The following PDE5A variants were observed in gnomAD, a reference collection of about 807,000 sequenced individuals.
PDE5A encodes the protein cGMP-specific 3',5'-cyclic phosphodiesterase.
A neutral mutation model predicts 110.2 loss-of-function variants in PDE5A; 67 were observed. The observed-to-expected ratio is 0.61, with a 90% confidence interval of 0.50 to 0.75. The LOEUF (loss-of-function observed/expected upper bound fraction) is 0.75, where lower values mean the gene tolerates loss of function less well. Among genes scored for constraint, PDE5A ranks in the 30% least tolerant of loss-of-function variants. PDE5A has a pLI of 0.00. For missense variants in PDE5A, 862 were observed against 1,045.1 expected, an observed-to-expected ratio of 0.82 and a Z score of 2.42; for synonymous variants, 328 against 351.2, an observed-to-expected ratio of 0.93 and a Z score of 0.74.
At chr4:119,604,270 T>A (rs1373623662) in intron 2 of PDE5A, among the ~76,000 whole-genome samples, 2 of 152,196 alleles carry the variant, frequency 1.3e-5, no homozygotes, top group Non-Finnish European at 2.9e-5. Flanking sequence ...GAAAATACAT[T>A]GTCAAAACTT....
At chr4:119,506,837 T>G (rs925136633) in intron 16 of PDE5A, among the ~76,000 whole-genome samples, 1 of 151,862 alleles carries the variant, frequency 6.6e-6, no homozygotes, top group Admixed American at 6.6e-5. Context: ...ATCTGGCAGA[T>G]GTTTTTGTGT....
chr4:119,506,554 C>A (rs528824587), intron 16 of PDE5A, among the ~76,000 whole-genome samples: 1 of 151,518 alleles, frequency 6.6e-6, no homozygotes, highest in African/African-American at 2.4e-5. Context: ...GAAAAACTTA[C>A]GTAATAAAAC....
chr4:119,501,383 T>TCACTGCAACCTC (rs1725326692), intron 19 of PDE5A, 130 bp from the exon 20 acceptor site: 1 of 617,800 alleles, frequency 1.6e-6, no homozygotes, highest in Non-Finnish European at 2.9e-6. Context: ...CCATCTCAGC[T>TCACTGCAACCTC]CACTGCAACC....
chr4:119,565,408 G>T lies in PDE5A; in HGVS notation c.906C>A (p.Asp302Glu), dbSNP rs1396104929. The change falls in exon 5 of 21, where the codon GAC (aspartate) becomes GAA (glutamate). Residue 302 changes from aspartate (D) to glutamate (E), a missense_variant and splice_region_variant. Transcript: ENST00000354960. ...GGTFTEKDEKDFAAYLAFCGI... is the reference protein window; with the variant it reads ...GGTFTEKDEKEFAAYLAFCGI... ...CACAAAATGCCAAATAAGCAGCAAA[G>T]TCCTAAAAAACAGATAATAGACAAA... is the stretch of plus-strand genomic sequence containing the variant. 1 of 1,608,178 alleles carries T rather than the reference G, an allele frequency of 6.2e-7. No homozygotes were observed. The highest frequency in any genetic ancestry group is 8.5e-7 in the Non-Finnish European group (1 of 1,175,480).
chr4:119,601,200 A>T (rs193016829), intron 2 of PDE5A, among the ~76,000 whole-genome samples: 162 of 152,194 alleles, frequency 1.1e-3, no homozygotes, highest in Middle Eastern at 6.8e-3. Context: ...GAACCAGAAA[A>T]CCCAACCTTG....
chr4:119,582,380 T>G (rs1230211164), intron 3 of PDE5A, among the ~76,000 whole-genome samples: 1 of 152,208 alleles, frequency 6.6e-6, no homozygotes, highest in African/African-American at 2.4e-5. Context: ...TATTTCTAAT[T>G]CTAATTCTCT....
At chr4:119,622,033 G>C (rs1029037800) in intron 1 of PDE5A, among the ~76,000 whole-genome samples, 27 of 152,150 alleles carry the variant, frequency 1.8e-4, no homozygotes, top group Non-Finnish European at 3.2e-4. Context: ...CATTAGCCAG[G>C]CATGGTGGTG....
intron 8 of PDE5A, 38 bp from the exon 9 acceptor site, chr4:119,552,675 T>A: frequency 8.9e-7 from 1 of 1,129,332 alleles, no homozygotes; most frequent in Non-Finnish European, 1.3e-6. Flanking sequence ...GCTAAAATGG[T>A]AAAGAGATTG....
chr4:119,519,245 A>G (rs1283834078), intron 13 of PDE5A, 106 bp from the exon 14 acceptor site: 4 of 767,722 alleles, frequency 5.2e-6, no homozygotes, highest in Non-Finnish European at 6.9e-6. Flanking sequence ...AGTGCTTTAC[A>G]TACATACTTC....
In PDE5A at chr4:119,617,912, T is replaced by C. The variant is rs534587633; in HGVS notation, c.152+10608A>G. ...AATTATATATGGAAACTAAACTCAC[T>C]TGGGCAGTCTTTAGGCACATCATTA... is the stretch of plus-strand genomic sequence containing the variant. On this transcript the variant is annotated intron_variant, in intron 1 of 20. Coordinates refer to ENST00000354960, the MANE Select transcript of PDE5A (RefSeq NM_001083.4). Among the ~76,000 whole-genome samples, 3 of 152,296 alleles carry C rather than the reference T, an allele frequency of 2.0e-5. No individual in the cohort carries two copies. The South Asian group carries it at 6.2e-4, about 32-fold the overall frequency.
At chr4:119,575,512 A>T (rs1728301903) in intron 3 of PDE5A, among the ~76,000 whole-genome samples, 1 of 152,234 alleles carries the variant, frequency 6.6e-6, no homozygotes, top group African/African-American at 2.4e-5. Context: ...ACAAGCCTGA[A>T]GAGAGTGGGG....
chr4:119,528,323 G>A (rs1480300052), intron 11 of PDE5A, among the ~76,000 whole-genome samples: 2 of 152,058 alleles, frequency 1.3e-5, no homozygotes, highest in African/African-American at 2.4e-5. Flanking sequence ...AGAGTGGAAC[G>A]AGAGTTAATC....
chr4:119,583,919 G>T (rs1728671572), intron 3 of PDE5A, among the ~76,000 whole-genome samples: 1 of 152,212 alleles, frequency 6.6e-6, no homozygotes, highest in Admixed American at 6.5e-5. Context: ...AAAAGCAGAT[G>T]GGAGAAATAG....
chr4:119,595,851 C>T (rs1729133798), intron 3 of PDE5A, among the ~76,000 whole-genome samples: 1 of 152,152 alleles, frequency 6.6e-6, no homozygotes, highest in South Asian at 2.1e-4. Context: ...CTGTGGAGAA[C>T]CCCAATTAAT....
chr4:119,565,724 G>A (rs1171252477), intron 4 of PDE5A, among the ~76,000 whole-genome samples: 1 of 151,788 alleles, frequency 6.6e-6, no homozygotes, highest in Non-Finnish European at 1.5e-5. Context: ...ATTAAGACTT[G>A]GATCTATGCT....
At chr4:119,528,053 CA>C (rs3836707) in intron 11 of PDE5A, among the ~76,000 whole-genome samples, 62,447 of 149,616 alleles carry the variant, frequency 0.42, 13,213 homozygotes, top group Non-Finnish European at 0.48. Context: ...ATATGGAATG[CA>C]AAAAAAAAAT....
intron 9 of PDE5A, among the ~76,000 whole-genome samples, chr4:119,552,226 T>C (rs1167463966): frequency 2.0e-5 from 3 of 152,090 alleles, no homozygotes; most frequent in Non-Finnish European, 2.9e-5. Context: ...TTAAAAAAAG[T>C]CAACATCCAG....
intron 2 of PDE5A, among the ~76,000 whole-genome samples, chr4:119,602,173 A>G (rs1300951041): frequency 6.6e-6 from 1 of 152,190 alleles, no homozygotes; most frequent in Admixed American, 6.5e-5. Context: ...TAATTTTATT[A>G]TGGCTGGGCA....
At position 119,525,018 on chromosome 4, in the gene PDE5A, C is replaced by A. The variant is rs1726260409; in HGVS notation, c.1779+531G>T. Among the ~76,000 whole-genome samples the A allele has an allele frequency of 2.0e-5, 3 of 152,190 alleles. No homozygotes were observed. In the East Asian group the frequency reaches 5.8e-4, roughly 30 times the overall value. Reference sequence around the variant, plus strand: ...AAAAGCTTGGCCTCCCATCAGGCCCCTTTATTTCCTCCTTCATTTTCAAAG... The same window carrying A: ...AAAAGCTTGGCCTCCCATCAGGCCCATTTATTTCCTCCTTCATTTTCAAAG... On this transcript the variant is annotated intron_variant, in intron 12 of 20. Coordinates refer to ENST00000354960, the MANE Select transcript of PDE5A (RefSeq NM_001083.4). This position sits in a 1 kb window ranked among gnomAD's most constrained non-coding sequence, Gnocchi z 4.3.
Sources: allele counts gnomAD v4.1 joint callset (sites outside exome capture counted in the v4.1 genomes callset), GRCh38; gene constraint gnomAD v4.1.1; non-coding constraint Gnocchi (gnomAD v3.1); transcripts MANE v1.5; gene names NCBI Gene and HGNC (gene_info 2026-07-23, HGNC 2026-07-21).